Variants in MTF1 observed in about 807,000 individuals in gnomAD.
MTF1 encodes the protein MRE-binding transcription factor.
In MTF1, 22 loss-of-function variants were observed where a neutral mutation model predicts 70.4. The observed-to-expected ratio is 0.31, with a 90% CI of 0.22 to 0.45. MTF1 has a LOEUF of 0.45. Ranked by LOEUF, MTF1 falls within the 20% of genes least tolerant of loss-of-function variation. The probability of loss-of-function intolerance (pLI) is 1.00; values close to 1 mark genes in which losing one functional copy is unlikely to be tolerated. For synonymous variants in MTF1, 333 were observed against 352.8 expected (o/e 0.94, Z 0.63); for missense variants, 649 against 922.0 (o/e 0.70, Z 3.83).
intron 7 of MTF1, among the ~76,000 whole-genome samples, chr1:37,827,083 C>T (rs1282107131): frequency 3.3e-5 from 5 of 152,108 alleles, no homozygotes; most frequent in African/African-American, 1.2e-4. Flanking sequence ...GTAAGAAATA[C>T]ATTTTACACT....
chr1:37,823,853 G>T, intron 7 of MTF1, 41 bp from the exon 8 acceptor site: 1 of 1,441,874 alleles, frequency 6.9e-7, no homozygotes, highest in South Asian at 1.2e-5. Context: ...GCCATCTTGA[G>T]ACAATTCTTC....
rs1641233660 is a variant in MTF1 at position 37,840,151 on chromosome 1, C to T, written c.416G>A (p.Arg139Gln). The T allele has an allele frequency of 3.1e-6, 5 of 1,613,858 alleles. No homozygotes were observed. The highest frequency in any genetic ancestry group is 1.7e-5 in the Admixed American group (1 of 59,996). ...CPETKRKEVK[R>Q]YQCTFEGCPR... is the part of the protein sequence containing the mutation. ...ACAGCCCTCAAAGGTACATTGGTAC[C>T]GCTTTACCTGGCAGAGAAAAGATAC... Residue 139 changes from arginine (R) to glutamine (Q), a missense_variant, in exon 3 of 11, where the codon CGG (arginine) becomes CAG (glutamine). Transcript: ENST00000373036. This position sits in a 1 kb window ranked among gnomAD's most constrained non-coding sequence, Gnocchi z 4.5.
chr1:37,832,625 T>G (rs1314743085), intron 6 of MTF1, among the ~76,000 whole-genome samples: 1 of 152,058 alleles, frequency 6.6e-6, no homozygotes, highest in East Asian at 1.9e-4. Flanking sequence ...ATGCTATCCC[T>G]CCCCTGCCCC....
intron 4 of MTF1, among the ~76,000 whole-genome samples, chr1:37,837,332 C>T (rs959938048): frequency 1.2e-4 from 19 of 152,248 alleles, no homozygotes; most frequent in Middle Eastern, 6.8e-3. Flanking sequence ...ACTGGGATTA[C>T]AGACATAAGC....
intron 2 of MTF1, among the ~76,000 whole-genome samples, chr1:37,853,431 A>G: frequency 6.6e-6 from 1 of 152,220 alleles, no homozygotes; most frequent in East Asian, 1.9e-4. Flanking sequence ...GAACTTGGCC[A>G]TGTTCATTCT....
At position 37,837,161 on chromosome 1, in the gene MTF1, A is replaced by T. The variant is rs558300951; in HGVS notation, c.780-1417T>A. ...CTACAGCCTTGACCTCCCAGGCTCA[A>T]GCAATCTTCCCACCTCAGCCTCCTA... On this transcript the variant is annotated intron_variant, in intron 4 of 10. Transcript: ENST00000373036. 4.6e-5 allele frequency among the ~76,000 whole-genome samples: 7 copies of T among 152,238 alleles called. No homozygotes were observed. The South Asian group carries it at 1.5e-3, about 32-fold the overall frequency.
chr1:37,840,132 C>T lies in MTF1; in HGVS notation c.435G>A (p.Glu145=). ...CTGTGCTGTAGGTGCGGGGACAGCC[C>T]TCAAAGGTACATTGGTACCGCTTTA... ...KEVKRYQCTF[E]GCPRTYSTAG... is the part of the protein sequence containing the mutation. Residue 145 remains glutamate, a synonymous_variant, in exon 3 of 11, where the codon GAG becomes GAA. Transcript: ENST00000373036. The surrounding 1 kb of genome is among the most constrained non-coding windows in gnomAD (Gnocchi z 4.5). 5 of 1,614,124 alleles carry T rather than the reference C, an allele frequency of 3.1e-6. No homozygotes were observed. Among genetic ancestry groups the T allele is most frequent in the Non-Finnish European group, 4.2e-6 (5 of 1,180,030 alleles).
chr1:37,838,819 T>TTTC lies in MTF1; in HGVS notation c.648-64_648-63insGAA, dbSNP rs869148427. 83 of 1,185,124 alleles carry TTTC rather than the reference T, an allele frequency of 7.0e-5. No individual in the cohort carries two copies. The African/African-American group carries it at 1.1e-3, about 16-fold the overall frequency. The allele number at this position is 1,185,124 out of a possible 1,614,324, so 73.4% of individuals were successfully genotyped here. A position where few individuals can be genotyped will look rare whatever the true frequency, so the allele number is the denominator to read the frequency against. ...ATTCTTTTTTTTTTTTTTTTTTTTT[T>TTTC]CTGAGACAGAGTTTCGCTCTTGTCG... On this transcript the variant is annotated intron_variant, in intron 3 of 10. Transcript: ENST00000373036.
intron 7 of MTF1, among the ~76,000 whole-genome samples, chr1:37,829,129 T>C (rs1340419280): frequency 1.3e-5 from 2 of 151,982 alleles, no homozygotes; most frequent in Admixed American, 1.3e-4. Flanking sequence ...TTTTTCTTTT[T>C]TTTTTTGAGA....
At position 37,854,165 on chromosome 1, in the gene MTF1, G is replaced by A. The variant is rs548866302; in HGVS notation, c.408+3086C>T. ...TGGGATTACAGGCGTCTGCCACCAC[G>A]CCCGGCTAATTTTTTGTATTTTTAA... On this transcript the variant is annotated intron_variant, in intron 2 of 10. Transcript: ENST00000373036. Among the ~76,000 whole-genome samples the A allele has an allele frequency of 3.0e-4, 45 of 152,224 alleles. No individual in the cohort carries two copies. In the South Asian group the frequency reaches 8.9e-3, roughly 30 times the overall value.
intron 2 of MTF1, among the ~76,000 whole-genome samples, chr1:37,843,560 T>C (rs553328259): frequency 6.6e-6 from 1 of 152,306 alleles, no homozygotes; most frequent in South Asian, 2.1e-4. Flanking sequence ...TTGTGGGCCT[T>C]ATGGTCTGTG....
intron 2 of MTF1, among the ~76,000 whole-genome samples, chr1:37,848,522 A>G (rs141198114): frequency 1.1e-3 from 161 of 152,352 alleles, no homozygotes; most frequent in African/African-American, 3.6e-3. Flanking sequence ...CCAATGTCAT[A>G]TAACAGCAAA....
At chr1:37,842,152 C>T (rs1641263982) in intron 2 of MTF1, among the ~76,000 whole-genome samples, 2 of 152,036 alleles carry the variant, frequency 1.3e-5, no homozygotes, top group South Asian at 4.1e-4. Flanking sequence ...CCTATAGTCC[C>T]AGCACTTAGG....
intron 9 of MTF1, among the ~76,000 whole-genome samples, chr1:37,819,504 T>C (rs943690764): frequency 6.6e-6 from 1 of 152,174 alleles, no homozygotes; most frequent in Non-Finnish European, 1.5e-5. Context: ...ATACTTCCTA[T>C]TACATGGGCT....
chr1:37,833,674 G>A (rs2148409871), intron 6 of MTF1, among the ~76,000 whole-genome samples: 1 of 152,246 alleles, frequency 6.6e-6, no homozygotes, highest in Non-Finnish European at 1.5e-5. Context: ...TATACAATGT[G>A]CAAGAGGATA....
chr1:37,855,104 A>G (rs1641472016), intron 2 of MTF1, among the ~76,000 whole-genome samples: 1 of 152,094 alleles, frequency 6.6e-6, no homozygotes, highest in South Asian at 2.1e-4. Context: ...GAATTCATAT[A>G]ATCAAAGGTG....
chr1:37,844,611 G>A (rs992903213), intron 2 of MTF1, among the ~76,000 whole-genome samples: 1 of 152,174 alleles, frequency 6.6e-6, no homozygotes, highest in Non-Finnish European at 1.5e-5. Flanking sequence ...CTGGGATAAA[G>A]GAGTCTGCAT....
chr1:37,832,333 GA>G lies in MTF1; in HGVS notation c.991-12del, dbSNP rs779415185. On this transcript the variant is annotated splice_polypyrimidine_tract_variant and intron_variant, in intron 6 of 10. Coordinates refer to ENST00000373036, the MANE Select transcript of MTF1 (RefSeq NM_005955.3). ...TGAGTGATTTGTATCCTGTGAAAGA[GA>G]AAAAATTCTAATTGAGTAACAAAAA... The G allele has an allele frequency of 3.1e-5, 50 of 1,588,640 alleles. No homozygotes were observed. Among genetic ancestry groups the G allele is most frequent in the Admixed American group, 1.2e-4 (7 of 58,518 alleles).
rs529920364 is a variant in MTF1 at position 37,848,797 on chromosome 1, A to C, written c.408+8454T>G. 1.1e-4 allele frequency among the ~76,000 whole-genome samples: 16 copies of C among 152,358 alleles called. No individual in the cohort carries two copies. The East Asian group carries it at 2.9e-3, about 28-fold the overall frequency. The stretch of plus-strand genomic sequence containing the variant: ...CTACAGAGCCTCACACTTACAAGCC[A>C]TCAGAGTTCAGAAGGGAACCTGCAA... On this transcript the variant is annotated intron_variant, in intron 2 of 10. Transcript: ENST00000373036.
Sources: gnomAD v4.1 joint callset for allele counts (sites outside exome capture counted in the v4.1 genomes callset) on GRCh38, gnomAD v4.1.1 for gene constraint, Gnocchi (gnomAD v3.1) non-coding constraint, MANE v1.5 for transcripts, NCBI Gene and HGNC (gene_info 2026-07-23, HGNC 2026-07-21) for gene names.